DIP2B: variants seen among roughly 807,000 people sequenced by gnomAD.
DIP2B encodes disco-interacting protein 2 homolog B.
Under a neutral mutation model 198.0 loss-of-function variants are expected in DIP2B, and 76 were observed. The ratio of observed to expected loss-of-function variants is 0.38; its 90% CI spans 0.32 to 0.46. The LOEUF is 0.46. Among genes scored for constraint, DIP2B ranks in the 20% least tolerant of loss-of-function variants. The pLI is 0.99. For missense variants in DIP2B, 1,559 were observed against 1,978.4 expected (o/e 0.79, Z 4.02); for synonymous variants, 701 against 739.1 (o/e 0.95, Z 0.84).
rs140276519 is a variant in DIP2B at position 50,590,430 on chromosome 12, C to T, written c.101-35546C>T. 6.7e-3 allele frequency among the ~76,000 whole-genome samples: 1,024 copies of T among 151,954 alleles called. 8 individuals carry two copies. Among genetic ancestry groups the T allele is most frequent in the African/African-American group, 0.016 (682 of 41,420 alleles). On this transcript the variant is annotated intron_variant, in intron 1 of 37. Coordinates refer to ENST00000301180, the MANE Select transcript of DIP2B (RefSeq NM_173602.3). ...TGTTGCCCAGGCTGGAGTGCAGTGG[C>T]GTGATCTCAGCTCACTGCAACCTCC...
At chr12:50,588,642 C>G (rs978539922) in intron 1 of DIP2B, among the ~76,000 whole-genome samples, 1 of 152,158 alleles carries the variant, frequency 6.6e-6, no homozygotes, top group Non-Finnish European at 1.5e-5. Context: ...GGGTGGAGAA[C>G]AGATGCCCAT....
intron 1 of DIP2B, among the ~76,000 whole-genome samples, chr12:50,588,551 C>T (rs1958790462): frequency 6.6e-6 from 1 of 152,146 alleles, no homozygotes; most frequent in African/African-American, 2.4e-5. Context: ...AGTCACTTCA[C>T]TAAAGAGCAG....
chr12:50,564,314 G>A (rs566995425), intron 1 of DIP2B, among the ~76,000 whole-genome samples: 40 of 152,260 alleles, frequency 2.6e-4, no homozygotes, highest in Non-Finnish European at 4.7e-4. Flanking sequence ...TGCTGCAGAC[G>A]ATGGGATGAA....
intron 5 of DIP2B, among the ~76,000 whole-genome samples, chr12:50,672,378 C>T (rs1278904974): frequency 6.6e-6 from 1 of 152,172 alleles, no homozygotes; most frequent in East Asian, 1.9e-4. Context: ...CCTGAGCCTC[C>T]TGAAGCAGCT....
At chr12:50,585,075 A>C (rs188263636) in intron 1 of DIP2B, among the ~76,000 whole-genome samples, 187 of 152,238 alleles carry the variant, frequency 1.2e-3, no homozygotes, top group African/African-American at 4.3e-3. Flanking sequence ...TGTTCCTTCT[A>C]CATGGACTCT....
At chr12:50,531,439 A>T (rs1958216246) in intron 1 of DIP2B, among the ~76,000 whole-genome samples, 1 of 152,242 alleles carries the variant, frequency 6.6e-6, no homozygotes, top group South Asian at 2.1e-4. Context: ...CCTGGAAAAG[A>T]GGTCAGAGGG....
intron 3 of DIP2B, among the ~76,000 whole-genome samples, chr12:50,653,500 C>T (rs1938498949): frequency 6.6e-6 from 1 of 151,644 alleles, no homozygotes; most frequent in African/African-American, 2.4e-5. Flanking sequence ...ACACCCATGC[C>T]CAGCTAATTT....
At chr12:50,625,877 TGGGG>T in intron 1 of DIP2B, 95 bp from the exon 2 acceptor site, 1 of 1,215,034 alleles carries the variant, frequency 8.2e-7, no homozygotes, top group Admixed American at 1.9e-5. Flanking sequence ...TGCCTCTATA[TGGGG>T]TAGTTCTATA....
At chr12:50,601,355 T>G (rs147747024) in intron 1 of DIP2B, among the ~76,000 whole-genome samples, 1 of 150,830 alleles carries the variant, frequency 6.6e-6, no homozygotes, top group South Asian at 2.1e-4. Context: ...GTTTGTTTGT[T>G]TTTTTTTTAG....
At position 50,702,734 on chromosome 12, in the gene DIP2B, T is replaced by TAAAAA. The variant is rs35373628; in HGVS notation, c.2326-1386_2326-1382dup. Among the ~76,000 whole-genome samples the TAAAAA allele has an allele frequency of 4.2e-3, 170 of 40,610 alleles. 7 individuals are homozygous for TAAAAA. Among genetic ancestry groups the TAAAAA allele is most frequent in the Non-Finnish European group, 4.1e-3 (109 of 26,544 alleles). 26.6% of individuals were successfully genotyped at this position (40,610 alleles called of 152,430 possible). On this transcript the variant is annotated intron_variant, in intron 19 of 37. Coordinates refer to ENST00000301180, the MANE Select transcript of DIP2B (RefSeq NM_173602.3). ...GGCAACATAGTGAGACCTCATCTCT[T>TAAAAA]AAAAAAAAAAAAAAAAAAAAAAAAG...
intron 2 of DIP2B, among the ~76,000 whole-genome samples, chr12:50,635,159 C>G (rs934295257): frequency 6.6e-6 from 1 of 152,158 alleles, no homozygotes; most frequent in African/African-American, 2.4e-5. Context: ...AGGCAGGATA[C>G]TGCTCATTCT....
At chr12:50,542,773 C>T (rs922904389) in intron 1 of DIP2B, among the ~76,000 whole-genome samples, 4 of 152,134 alleles carry the variant, frequency 2.6e-5, no homozygotes, top group Non-Finnish European at 1.5e-5. Flanking sequence ...TATGATTAAA[C>T]TGTTTCTCAT....
At chr12:50,702,533 G>A (rs1011782646) in intron 19 of DIP2B, among the ~76,000 whole-genome samples, 4 of 151,886 alleles carry the variant, frequency 2.6e-5, no homozygotes, top group Non-Finnish European at 5.9e-5. Flanking sequence ...TTGCACTCCA[G>A]CCTGAGCAAC....
chr12:50,662,359 A>T (rs919180398), intron 4 of DIP2B, among the ~76,000 whole-genome samples: 1 of 152,254 alleles, frequency 6.6e-6, no homozygotes, highest in African/African-American at 2.4e-5. Flanking sequence ...CGCACCCTGC[A>T]TAGTGATTTC....
intron 25 of DIP2B, among the ~76,000 whole-genome samples, chr12:50,720,655 G>A (rs976991456): frequency 1.3e-5 from 2 of 152,014 alleles, no homozygotes; most frequent in Non-Finnish European, 2.9e-5. Context: ...GGTGGCTCAT[G>A]CCTATAATCC....
chr12:50,720,223 C>T (rs185665465), intron 25 of DIP2B, among the ~76,000 whole-genome samples: 51 of 151,928 alleles, frequency 3.4e-4, no homozygotes, highest in Middle Eastern at 6.8e-3. Context: ...GCACTGTGCC[C>T]GGCCTATATA....
At chr12:50,697,014 T>G (rs776247759) in intron 16 of DIP2B, 47 bp from the exon 17 acceptor site, 18 of 1,426,178 alleles carry the variant, frequency 1.3e-5, no homozygotes, top group Non-Finnish European at 2.0e-6. Flanking sequence ...CCTACAGTAA[T>G]GAAAAGCATA....
chr12:50,523,183 T>G (rs1958135470), intron 1 of DIP2B, among the ~76,000 whole-genome samples: 1 of 152,154 alleles, frequency 6.6e-6, no homozygotes, highest in African/African-American at 2.4e-5. Flanking sequence ...AATCCAAGGG[T>G]GCTCAAGTCT....
rs1288144918 is a variant in DIP2B at position 50,727,703 on chromosome 12, A to C, written c.3401A>C (p.Asp1134Ala). 1 of 1,613,648 alleles carries C rather than the reference A, an allele frequency of 6.2e-7. No homozygotes were observed. Among genetic ancestry groups the C allele is most frequent in the Non-Finnish European group, 8.5e-7 (1 of 1,179,664 alleles). The change falls in exon 29 of 38, where the codon GAT (aspartate) becomes GCT (alanine). Residue 1134 changes from aspartate (D) to alanine (A), a missense_variant and splice_region_variant. Coordinates refer to ENST00000301180, the MANE Select transcript of DIP2B (RefSeq NM_173602.3). ...ATCAGGTTTTTTCTTTTCATGGCAG[A>C]TGATTTACCCAGGAAAAGGTTACCT... is the stretch of plus-strand genomic sequence containing the variant. ...VKTWPTIIDTDDLPRKRLPQL... is the reference protein window; with the variant it reads ...VKTWPTIIDTADLPRKRLPQL...
Sources: gnomAD v4.1 joint callset for allele counts (sites outside exome capture counted in the v4.1 genomes callset) on GRCh38, gnomAD v4.1.1 for gene constraint, MANE v1.5 for transcripts, NCBI Gene and HGNC (gene_info 2026-07-23, HGNC 2026-07-21) for gene names.